UBE2E1: variants seen among roughly 807,000 people sequenced by gnomAD.
UBE2E1 encodes ubiquitin-conjugating enzyme E2 E1.
In UBE2E1, 6 loss-of-function variants were observed where a neutral mutation model predicts 21.4. The ratio of observed to expected loss-of-function variants is 0.28; its 90% CI spans 0.15 to 0.55. UBE2E1 has a LOEUF of 0.55. Ranked by LOEUF, UBE2E1 falls within the 20% of genes least tolerant of loss-of-function variation. The pLI is 0.93. For synonymous variants in UBE2E1, 87 were observed against 82.7 expected (o/e 1.05, Z -0.28); for missense variants, 142 against 236.5 (o/e 0.60, Z 2.62).
rs1216214274 is a variant in UBE2E1 at position 23,806,522 on chromosome 3, C to T, written c.-34+434C>T. On this transcript the variant is annotated intron_variant, in intron 1 of 5. Transcript: ENST00000306627. The surrounding 1 kb of genome is among the most constrained non-coding windows in gnomAD (Gnocchi z 6.5). ...TGCGGAGGCCGACCCCCCCATTCCCCGCCGCAGCCCCTATCCCCCTACAGG... is the reference window on the plus strand; with the variant it reads ...TGCGGAGGCCGACCCCCCCATTCCCTGCCGCAGCCCCTATCCCCCTACAGG... Among the ~76,000 whole-genome samples, 1 of 151,698 alleles carries T rather than the reference C, an allele frequency of 6.6e-6. No individual in the cohort carries two copies. The highest frequency in any genetic ancestry group is 1.5e-5 in the Non-Finnish European group (1 of 67,830).
chr3:23,885,192 T>G (rs1408164644), intron 3 of UBE2E1, among the ~76,000 whole-genome samples: 1 of 152,198 alleles, frequency 6.6e-6, no homozygotes, highest in Non-Finnish European at 1.5e-5. Context: ...TTAGAGAGCT[T>G]TTGAGGTTCT....
At chr3:23,869,400 C>T (rs867908422) in intron 3 of UBE2E1, among the ~76,000 whole-genome samples, 34 of 103,782 alleles carry the variant, frequency 3.3e-4, no homozygotes, top group African/African-American at 1.6e-3. Flanking sequence ...TTTATGTAGT[C>T]AGATCTGTTG....
Position 23,861,906 on chromosome 3 carries a change from C to T in UBE2E1, c.204-25661C>T, listed in dbSNP as rs758931814. Among the ~76,000 whole-genome samples, 37 of 152,252 alleles carry T rather than the reference C, an allele frequency of 2.4e-4. 1 individual carries two copies. The highest frequency in any genetic ancestry group is 2.0e-4 in the Admixed American group (3 of 15,284). On this transcript the variant is annotated intron_variant, in intron 3 of 5. Transcript: ENST00000306627. ...TCCTATTCTTCTGGTATGCCAAAGC[C>T]AGGATACAGAAAGCCCTCTGTCCTT...
At chr3:23,854,677 T>C (rs930055623) in intron 3 of UBE2E1, among the ~76,000 whole-genome samples, 3 of 152,236 alleles carry the variant, frequency 2.0e-5, no homozygotes, top group Admixed American at 2.0e-4. Flanking sequence ...TTAGGCTCTG[T>C]CTTATTAATG....
rs1158435043 is a variant in UBE2E1, at chr3:23,810,775, G to C, written c.153-685G>C. ...CCCCTCCCCCGCCCGCAACTTCACC[G>C]GCGCGGCGCGAGCCGTCGGGGGCGC... On this transcript the variant is annotated intron_variant, in intron 2 of 5. Coordinates refer to ENST00000306627, the MANE Select transcript of UBE2E1 (RefSeq NM_003341.5). The surrounding 1 kb of genome is among the most constrained non-coding windows in gnomAD (Gnocchi z 5.8). 1 of 250,058 alleles carries C rather than the reference G, an allele frequency of 4.0e-6. No homozygotes were observed. The highest frequency in any genetic ancestry group is 2.3e-5 in the African/African-American group (1 of 44,152). The allele number at this position is 250,058 out of a possible 1,614,324, so 15.5% of individuals were successfully genotyped here. A position where few individuals can be genotyped will look rare whatever the true frequency, so the allele number is the denominator to read the frequency against.
At chr3:23,860,185 G>A (rs76741175) in intron 3 of UBE2E1, among the ~76,000 whole-genome samples, 1 of 152,196 alleles carries the variant, frequency 6.6e-6, no homozygotes, top group Non-Finnish European at 1.5e-5. Flanking sequence ...TGGTTTCTGG[G>A]TGCTTTCACC....
intron 3 of UBE2E1, among the ~76,000 whole-genome samples, chr3:23,818,688 G>T (rs1699579472): frequency 6.6e-6 from 1 of 152,218 alleles, no homozygotes; most frequent in South Asian, 2.1e-4. Flanking sequence ...TGGCCTGACG[G>T]TGGAGCTGAG....
rs1699269662 is a variant in UBE2E1, at chr3:23,806,424, C to T, written c.-34+336C>T. Among the ~76,000 whole-genome samples the T allele has an allele frequency of 6.6e-6, 1 of 151,432 alleles. No individual in the cohort carries two copies. The highest frequency in any genetic ancestry group is 1.5e-5 in the Non-Finnish European group (1 of 67,676). On this transcript the variant is annotated intron_variant, in intron 1 of 5. Coordinates refer to ENST00000306627, the MANE Select transcript of UBE2E1 (RefSeq NM_003341.5). This position sits in a 1 kb window ranked among gnomAD's most constrained non-coding sequence, Gnocchi z 6.5. ...GGGTGGGAGGGAGTTGGGGGAGCCC[C>T]GTTTTCCCCAGGGGCGGGGGTTCGC...
chr3:23,834,654 A>G (rs1034358242), intron 3 of UBE2E1, among the ~76,000 whole-genome samples: 1 of 152,112 alleles, frequency 6.6e-6, no homozygotes, highest in Non-Finnish European at 1.5e-5. Context: ...TCTTGACCCC[A>G]GGAGTTTGAG....
chr3:23,817,966 T>G (rs1205682416), intron 3 of UBE2E1, among the ~76,000 whole-genome samples: 1 of 151,976 alleles, frequency 6.6e-6, no homozygotes, highest in African/African-American at 2.4e-5. Flanking sequence ...AAGGATTGAG[T>G]GGAGCTTGGT....
At position 23,870,682 on chromosome 3, in the gene UBE2E1, A is replaced by ATGTTAT. The variant is rs1559490862; in HGVS notation, c.204-16884_204-16883insGTTATT. 6.6e-6 allele frequency among the ~76,000 whole-genome samples: 1 copy of ATGTTAT among 151,204 alleles called. No individual in the cohort carries two copies. ...AGTTCCTATTTAAAATTCTTTTTTT[A>ATGTTAT]TTTTATTTTATTTTATTGATCATTC... On this transcript the variant is annotated intron_variant, in intron 3 of 5. Coordinates refer to ENST00000306627, the MANE Select transcript of UBE2E1 (RefSeq NM_003341.5). The surrounding 1 kb of genome is among the most constrained non-coding windows in gnomAD (Gnocchi z 4.2).
Position 23,891,520 on chromosome 3 carries a change from T to G in UBE2E1, c.*914T>G, listed in dbSNP as rs183552413. Reference sequence around the variant, plus strand: ...GTTAAATAATCTACCCCATTTAGGCTTCAAAGACGAACCCTACTGCATCTT... The same window carrying G: ...GTTAAATAATCTACCCCATTTAGGCGTCAAAGACGAACCCTACTGCATCTT... On this transcript the variant is annotated 3_prime_UTR_variant, in exon 6 of 6. Transcript: ENST00000306627. 7.5e-4 allele frequency: 114 copies of G among 152,310 alleles called. 1 individual carries two copies. Among genetic ancestry groups the G allele is most frequent in the African/African-American group, 2.6e-3 (110 of 41,562 alleles). The allele number at this position is 152,310 out of a possible 1,614,324, so 9.4% of individuals were successfully genotyped here.
Position 23,870,500 on chromosome 3 carries a change from T to C in UBE2E1, c.204-17067T>C, listed in dbSNP as rs953185997. Among the ~76,000 whole-genome samples the C allele has an allele frequency of 1.3e-5, 2 of 152,086 alleles. No homozygotes were observed. The highest frequency in any genetic ancestry group is 2.9e-5 in the Non-Finnish European group (2 of 68,008). On this transcript the variant is annotated intron_variant, in intron 3 of 5. Transcript: ENST00000306627. The surrounding 1 kb of genome is among the most constrained non-coding windows in gnomAD (Gnocchi z 4.2). ...GCAGCTTTAAGCACAGAGGCGCAGA[T>C]AGGGGTAGCTAGAACTTGGCCACAG...
chr3:23,809,557 A>G (rs755753127), intron 2 of UBE2E1, among the ~76,000 whole-genome samples: 6 of 152,246 alleles, frequency 3.9e-5, no homozygotes, highest in Non-Finnish European at 8.8e-5. Context: ...TACTCCTGCA[A>G]ATCTCTTGCC....
chr3:23,871,091 A>G (rs1575030231), intron 3 of UBE2E1, among the ~76,000 whole-genome samples: 3 of 151,868 alleles, frequency 2.0e-5, no homozygotes, highest in African/African-American at 7.3e-5. Context: ...CTACACAGAC[A>G]CGGCAACCAT....
chr3:23,846,414 G>T (rs1700204480), intron 3 of UBE2E1, among the ~76,000 whole-genome samples: 1 of 151,956 alleles, frequency 6.6e-6, no homozygotes, highest in Non-Finnish European at 1.5e-5. Flanking sequence ...AAAGAGAATG[G>T]GGCCAGGTGC....
chr3:23,887,814 A>C lies in UBE2E1; in HGVS notation c.336+115A>C. 1 of 1,355,538 alleles carries C rather than the reference A, an allele frequency of 7.4e-7. No homozygotes were observed. Among genetic ancestry groups the C allele is most frequent in the Non-Finnish European group, 9.9e-7 (1 of 1,010,838 alleles). The allele number at this position is 1,355,538 out of a possible 1,614,324, so 84.0% of individuals were successfully genotyped here. ...AACTAGATTTATCTTATGTCCTAAT[A>C]GATCTGAGTATTTTAACATATACAA... On this transcript the variant is annotated intron_variant, in intron 4 of 5. Coordinates refer to ENST00000306627, the MANE Select transcript of UBE2E1 (RefSeq NM_003341.5). The surrounding 1 kb of genome is among the most constrained non-coding windows in gnomAD (Gnocchi z 4.4).
chr3:23,891,108 G>T lies in UBE2E1; in HGVS notation c.*502G>T, dbSNP rs1701422132. ...TAAAACACCATATAAGAGATGAGTAGTGCGTTTTATTTTATATGCCAATCT... is the reference window on the plus strand; with the variant it reads ...TAAAACACCATATAAGAGATGAGTATTGCGTTTTATTTTATATGCCAATCT... On this transcript the variant is annotated 3_prime_UTR_variant, in exon 6 of 6. Coordinates refer to ENST00000306627, the MANE Select transcript of UBE2E1 (RefSeq NM_003341.5). The T allele has an allele frequency of 6.6e-6, 1 of 152,626 alleles. No homozygotes were observed. Among genetic ancestry groups the T allele is most frequent in the African/African-American group, 2.4e-5 (1 of 41,430 alleles). The allele number at this position is 152,626 out of a possible 1,614,324, so 9.5% of individuals were successfully genotyped here.
chr3:23,828,466 GA>G (rs1699799821), intron 3 of UBE2E1, among the ~76,000 whole-genome samples: 2 of 152,204 alleles, frequency 1.3e-5, no homozygotes, highest in African/African-American at 4.8e-5. Context: ...GAGAAAATGG[GA>G]TCATTATTTG....
Sources: allele counts gnomAD v4.1 joint callset (sites outside exome capture counted in the v4.1 genomes callset), GRCh38; gene constraint gnomAD v4.1.1; non-coding constraint Gnocchi (gnomAD v3.1); transcripts MANE v1.5; gene names NCBI Gene and HGNC (gene_info 2026-07-23, HGNC 2026-07-21).